Variants in NRXN3 observed in about 807,000 individuals in gnomAD.
The protein encoded by NRXN3 is neurexin 3.
Under a neutral mutation model 137.6 loss-of-function variants are expected in NRXN3, and 32 were observed. The observed-to-expected ratio is 0.23, with a 90% CI of 0.18 to 0.31. The LOEUF (loss-of-function observed/expected upper bound fraction) is 0.31. Ranked by LOEUF, NRXN3 falls within the 10% of genes least tolerant of loss-of-function variation. The pLI, the probability that NRXN3 is intolerant of heterozygous loss-of-function variation, is 1.00. For missense variants in NRXN3, 1,574 were observed against 2,062.5 expected (o/e 0.76, Z 4.59); for synonymous variants, 798 against 784.5 (o/e 1.02, Z -0.29).
At chr14:78,211,185 G>T (rs1484843540) in intron 1 of NRXN3, among the ~76,000 whole-genome samples, 1 of 152,190 alleles carries the variant, frequency 6.6e-6, no homozygotes, top group Non-Finnish European at 1.5e-5. Context: ...AAAGTTGTTT[G>T]TTCAGTGTTA....
chr14:78,547,230 G>A (rs537780097), intron 4 of NRXN3, among the ~76,000 whole-genome samples: 10 of 148,878 alleles, frequency 6.7e-5, no homozygotes, highest in African/African-American at 1.7e-4. Context: ...TTTTTGAGAC[G>A]GAGTCTCTCT....
intron 16 of NRXN3, among the ~76,000 whole-genome samples, chr14:79,538,189 T>C (rs900127480): frequency 1.3e-5 from 2 of 152,228 alleles, no homozygotes; most frequent in African/African-American, 4.8e-5. Context: ...ATTCTGGATA[T>C]TAGCCCTTTG....
chr14:79,261,336 A>G (rs1597997216), intron 15 of NRXN3, among the ~76,000 whole-genome samples: 1 of 152,308 alleles, frequency 6.6e-6, no homozygotes, highest in East Asian at 1.9e-4. Flanking sequence ...TCCACAGGCG[A>G]GATCTCCTGT....
At chr14:79,819,734 C>T (rs1603615701) in intron 20 of NRXN3, among the ~76,000 whole-genome samples, 1 of 151,962 alleles carries the variant, frequency 6.6e-6, no homozygotes, top group Admixed American at 6.6e-5. Flanking sequence ...TTGCCCCCCT[C>T]GGCCTCCCAA....
intron 15 of NRXN3, among the ~76,000 whole-genome samples, chr14:78,997,999 G>A (rs1243544011): frequency 1.3e-5 from 2 of 152,188 alleles, no homozygotes; most frequent in Non-Finnish European, 2.9e-5. Context: ...AACTGCAGGA[G>A]TTGGCTGGAT....
intron 4 of NRXN3, among the ~76,000 whole-genome samples, chr14:78,618,540 T>C (rs2097368644): frequency 6.6e-6 from 1 of 152,110 alleles, no homozygotes; most frequent in Non-Finnish European, 1.5e-5. Flanking sequence ...ACCGTCCCTC[T>C]GGAAAACTGT....
chr14:78,986,572 A>G (rs933296054), intron 14 of NRXN3, among the ~76,000 whole-genome samples: 44 of 152,230 alleles, frequency 2.9e-4, no homozygotes, highest in African/African-American at 1.0e-3. Context: ...TAAGTTATAT[A>G]CATGTACTAT....
At chr14:78,523,018 T>C (rs940917849) in intron 4 of NRXN3, among the ~76,000 whole-genome samples, 7 of 152,380 alleles carry the variant, frequency 4.6e-5, no homozygotes, top group African/African-American at 1.7e-4. Flanking sequence ...TTTTAAAATA[T>C]ATTAAAATCT....
At chr14:79,229,456 C>T (rs1450544494) in intron 15 of NRXN3, among the ~76,000 whole-genome samples, 1 of 152,174 alleles carries the variant, frequency 6.6e-6, no homozygotes, top group Non-Finnish European at 1.5e-5. Flanking sequence ...TATCTAATCA[C>T]CACACTCCCT....
chr14:78,914,577 G>A (rs2099249889), intron 10 of NRXN3, among the ~76,000 whole-genome samples: 1 of 151,794 alleles, frequency 6.6e-6, no homozygotes, highest in African/African-American at 2.4e-5. Flanking sequence ...TGCAGGAAAA[G>A]CATTGCAAAC....
At chr14:78,248,097 A>G (rs2067960942) in intron 2 of NRXN3, among the ~76,000 whole-genome samples, 1 of 152,210 alleles carries the variant, frequency 6.6e-6, no homozygotes, top group Non-Finnish European at 1.5e-5. Flanking sequence ...ACAAAGAAAA[A>G]GTTGATTACT....
intron 1 of NRXN3, among the ~76,000 whole-genome samples, chr14:78,179,842 G>GTTTTTTTTTTTTTTTTTTTTTTT (rs796341902): frequency 1.8e-5 from 2 of 109,156 alleles, no homozygotes; most frequent in Non-Finnish European, 3.8e-5. Context: ...CTGTTTTTTT[G>GTTTTTTTTTTTTTTTTTTTTTTT]TTTTTTTTTT....
At chr14:79,251,779 C>T (rs996763479) in intron 15 of NRXN3, among the ~76,000 whole-genome samples, 1 of 151,614 alleles carries the variant, frequency 6.6e-6, no homozygotes, top group Non-Finnish European at 1.5e-5. Context: ...GCACTATTAC[C>T]CCCATTTTTC....
chr14:78,322,362 G>T (rs545420626), intron 4 of NRXN3, among the ~76,000 whole-genome samples: 13 of 151,992 alleles, frequency 8.6e-5, no homozygotes, highest in Non-Finnish European at 1.3e-4. Flanking sequence ...CTGGACTCTA[G>T]TTTGAACATC....
At chr14:78,634,099 C>T (rs1284488839) in intron 4 of NRXN3, among the ~76,000 whole-genome samples, 2 of 152,230 alleles carry the variant, frequency 1.3e-5, no homozygotes, top group African/African-American at 2.4e-5. Context: ...CTGTCACTTA[C>T]TCCAGACTCC....
At chr14:79,589,031 G>C (rs546297900) in intron 16 of NRXN3, among the ~76,000 whole-genome samples, 1 of 152,260 alleles carries the variant, frequency 6.6e-6, no homozygotes, top group South Asian at 2.1e-4. Context: ...AAGGCAGGAG[G>C]ATCCCTTGAG....
At chr14:79,632,951 A>G (rs532352307) in intron 16 of NRXN3, among the ~76,000 whole-genome samples, 111 of 152,300 alleles carry the variant, frequency 7.3e-4, no homozygotes, top group Non-Finnish European at 1.2e-3. Context: ...TTTTACACAC[A>G]TTATCTTAAT....
intron 8 of NRXN3, among the ~76,000 whole-genome samples, chr14:78,738,994 G>A (rs1313622133): frequency 1.3e-5 from 2 of 152,158 alleles, no homozygotes; most frequent in Non-Finnish European, 2.9e-5. Context: ...TAAAAGATGT[G>A]CTTACCACAC....
intron 4 of NRXN3, among the ~76,000 whole-genome samples, chr14:78,404,273 C>T (rs534188155): frequency 4.8e-4 from 72 of 149,896 alleles, no homozygotes; most frequent in African/African-American, 1.7e-3. Context: ...TGCATGTTGT[C>T]AATACAGGCT....
Sources: allele counts gnomAD v4.1 joint callset (sites outside exome capture counted in the v4.1 genomes callset), GRCh38; gene constraint gnomAD v4.1.1; transcripts MANE v1.5; gene names NCBI Gene and HGNC (gene_info 2026-07-23, HGNC 2026-07-21).